CPB2: variants seen among roughly 807,000 people sequenced by gnomAD.
The protein encoded by CPB2 is carboxypeptidase B-like protein.
A neutral mutation model predicts 57.0 loss-of-function variants in CPB2; 54 were observed. The observed-to-expected ratio is 0.95, with a 90% confidence interval of 0.76 to 1.19. The LOEUF is 1.19. Among genes scored for constraint, CPB2 ranks in the 50% most tolerant of loss-of-function variants. CPB2 has a pLI of 0.00. For missense variants in CPB2, 426 were observed against 512.0 expected (o/e 0.83, Z 1.62); for synonymous variants, 189 against 178.1 (o/e 1.06, Z -0.49).
At chr13:46,087,242 T>C (rs1162783683) in intron 2 of CPB2, among the ~76,000 whole-genome samples, 1 of 152,198 alleles carries the variant, frequency 6.6e-6, no homozygotes, top group East Asian at 1.9e-4. Flanking sequence ...CCTCCTGGCT[T>C]CTGCTGGCTC....
At chr13:46,087,275 G>A (rs561425347) in intron 2 of CPB2, among the ~76,000 whole-genome samples, 26 of 152,324 alleles carry the variant, frequency 1.7e-4, no homozygotes, top group African/African-American at 5.8e-4. Flanking sequence ...AGCCCCAGCC[G>A]TGCCTCCCGC....
rs17844193 is a variant in CPB2 at position 46,082,806 on chromosome 13, G to C, written c.276-257C>G. Among the ~76,000 whole-genome samples the C allele has an allele frequency of 4.6e-3, 704 of 152,206 alleles. 4 individuals carry two copies. Among genetic ancestry groups the C allele is most frequent in the African/African-American group, 0.016 (652 of 41,524 alleles). ...TTTCAGGACCTCCATAAAAACCACC[G>C]TTTCCCACCATTACCAACATTACTC... On this transcript the variant is annotated intron_variant, in intron 3 of 10. Coordinates refer to ENST00000181383, the MANE Select transcript of CPB2 (RefSeq NM_001872.5).
intron 3 of CPB2, among the ~76,000 whole-genome samples, chr13:46,083,235 TA>T (rs1223387078): frequency 1.3e-5 from 2 of 152,196 alleles, no homozygotes; most frequent in African/African-American, 4.8e-5. Flanking sequence ...CAGAAAGGTC[TA>T]AGTTCGACTC....
At chr13:46,098,258 G>T (rs1316141758) in intron 1 of CPB2, 2 of 152,176 alleles carry the variant, frequency 1.3e-5, no homozygotes, top group East Asian at 3.9e-4. Context: ...AGAGGTGCTA[G>T]CAAAGGGCAC....
chr13:46,102,476 A>G (rs2045446168), intron 1 of CPB2, among the ~76,000 whole-genome samples: 1 of 149,742 alleles, frequency 6.7e-6, no homozygotes, highest in Non-Finnish European at 1.5e-5. Context: ...TATCAAAATG[A>G]ACCTACAAAT....
chr13:46,081,656 ATAG>A (rs1566409962), intron 4 of CPB2, among the ~76,000 whole-genome samples: 4 of 152,208 alleles, frequency 2.6e-5, no homozygotes, highest in Non-Finnish European at 4.4e-5. Context: ...ATGGTCCCTA[ATAG>A]TTTCTGGGCA....
Position 46,056,039 on chromosome 13 carries a change from T to C in CPB2, c.1000-190A>G, listed in dbSNP as rs17844236. On this transcript the variant is annotated intron_variant, in intron 9 of 10. Coordinates refer to ENST00000181383, the MANE Select transcript of CPB2 (RefSeq NM_001872.5). ...TATGTGCACTTTATGGCAATCACAA[T>C]TGGGTGGCTTTAAACATAAACTATT... is the stretch of plus-strand genomic sequence containing the variant. Among the ~76,000 whole-genome samples, 1,143 of 152,098 alleles carry C rather than the reference T, an allele frequency of 7.5e-3. 15 individuals are homozygous for C. The highest frequency in any genetic ancestry group is 0.027 in the African/African-American group (1,102 of 41,534).
At chr13:46,064,800 G>T in intron 7 of CPB2, 59 bp from the exon 8 acceptor site, 1 of 1,368,868 alleles carries the variant, frequency 7.3e-7, no homozygotes, top group Non-Finnish European at 1.0e-6. Flanking sequence ...CCTGAGGAAA[G>T]ACATGCATTT....
intron 8 of CPB2, among the ~76,000 whole-genome samples, chr13:46,060,458 C>CCACA (rs56726432): frequency 6.6e-6 from 1 of 150,914 alleles, no homozygotes. Flanking sequence ...CAAGACCCTG[C>CCACA]CACACACACA....
chr13:46,070,525 C>T (rs2044924323), intron 6 of CPB2, among the ~76,000 whole-genome samples: 1 of 152,110 alleles, frequency 6.6e-6, no homozygotes, highest in Non-Finnish European at 1.5e-5. Flanking sequence ...TGCACTCAAG[C>T]TTTGCCTTTA....
intron 1 of CPB2, among the ~76,000 whole-genome samples, chr13:46,096,733 C>T (rs571591061): frequency 3.9e-5 from 6 of 152,022 alleles, no homozygotes; most frequent in South Asian, 2.1e-4. Context: ...GAGCTAATAT[C>T]GCACCACTGC....
chr13:46,084,160 A>C, intron 3 of CPB2, 59 bp downstream of exon 3: 1 of 1,579,924 alleles, frequency 6.3e-7, no homozygotes, highest in Non-Finnish European at 8.7e-7. Context: ...ACCATACCCT[A>C]GTCAAGTGCA....
chr13:46,075,625 G>A (rs2045010872), intron 5 of CPB2, among the ~76,000 whole-genome samples: 3 of 152,206 alleles, frequency 2.0e-5, no homozygotes, highest in South Asian at 2.1e-4. Flanking sequence ...TCTGCCTTGA[G>A]TCTGCACTGT....
intron 5 of CPB2, among the ~76,000 whole-genome samples, chr13:46,075,760 T>A (rs1211292276): frequency 6.6e-6 from 1 of 152,268 alleles, no homozygotes. Context: ...AATTATATGT[T>A]ACTAAATTAA....
In CPB2 at chr13:46,071,943, G is replaced by A. The variant is rs17844227; in HGVS notation, c.591+1930C>T. On this transcript the variant is annotated intron_variant, in intron 6 of 10. Transcript: ENST00000181383. ...AGAGGTTTGGCAGGAGGTTAGCAGT[G>A]AGAAAAGCCATTTGGCAGAAAAAGT... Among the ~76,000 whole-genome samples, 832 of 152,292 alleles carry A rather than the reference G, an allele frequency of 5.5e-3. 10 individuals carry two copies. Among genetic ancestry groups the A allele is most frequent in the African/African-American group, 0.018 (763 of 41,550 alleles).
chr13:46,059,162 G>C (rs1448136626), intron 8 of CPB2, among the ~76,000 whole-genome samples: 1 of 152,216 alleles, frequency 6.6e-6, no homozygotes, highest in Non-Finnish European at 1.5e-5. Flanking sequence ...TGAACAGACA[G>C]TAAAAATAGT....
chr13:46,068,624 C>T (rs9562633), intron 6 of CPB2, among the ~76,000 whole-genome samples: 51,837 of 151,302 alleles, frequency 0.34, 9,092 homozygotes, highest in African/African-American at 0.39. Context: ...ACACGTGCCA[C>T]GGTGGTTAGC....
intron 4 of CPB2, among the ~76,000 whole-genome samples, chr13:46,079,947 T>C (rs1359932576): frequency 2.0e-5 from 3 of 152,214 alleles, no homozygotes; most frequent in African/African-American, 7.2e-5. Flanking sequence ...GTCAGAAATG[T>C]AACTGTCAGC....
intron 7 of CPB2, among the ~76,000 whole-genome samples, 164 bp from the exon 8 acceptor site, chr13:46,064,905 G>A (rs1027349903): frequency 1.3e-5 from 2 of 152,108 alleles, no homozygotes; most frequent in Non-Finnish European, 2.9e-5. Context: ...TCCTTTGCAC[G>A]GTCCCTATTG....
Sources: gnomAD v4.1 joint callset for allele counts (sites outside exome capture counted in the v4.1 genomes callset) on GRCh38, gnomAD v4.1.1 for gene constraint, MANE v1.5 for transcripts, NCBI Gene and HGNC (gene_info 2026-07-23, HGNC 2026-07-21) for gene names.